PIAS1: variants seen among roughly 807,000 people sequenced by gnomAD.
PIAS1 encodes protein inhibitor of activated STAT 1.
In PIAS1, 6 loss-of-function variants were observed where a neutral mutation model predicts 71.3. That is an observed-to-expected ratio of 0.08 (90% CI 0.05 to 0.17). The LOEUF is 0.17. Ranked by LOEUF, PIAS1 falls within the 10% of genes least tolerant of loss-of-function variation. The probability of loss-of-function intolerance (pLI) is 1.00; values close to 1 mark genes in which losing one functional copy is unlikely to be tolerated. For missense variants in PIAS1, 555 were observed against 793.6 expected (o/e 0.70, Z 3.61); for synonymous variants, 303 against 292.9 (o/e 1.03, Z -0.35).
In PIAS1 at chr15:68,156,293, C is replaced by T. The variant is rs142030112; in HGVS notation, c.934+2598C>T. ...ACTCTGTAGAGGTACAATAGGGGAA[C>T]GTAGTCCTCTCTGATACTGTGATAC... On this transcript the variant is annotated intron_variant, in intron 7 of 13. Coordinates refer to ENST00000249636, the MANE Select transcript of PIAS1 (RefSeq NM_016166.3). Among the ~76,000 whole-genome samples the T allele has an allele frequency of 4.2e-3, 642 of 152,242 alleles. 4 individuals are homozygous for T. The highest frequency in any genetic ancestry group is 6.7e-3 in the Non-Finnish European group (456 of 67,998).
chr15:68,070,239 T>G (rs2092080178), intron 1 of PIAS1, among the ~76,000 whole-genome samples: 2 of 152,178 alleles, frequency 1.3e-5, no homozygotes, highest in Admixed American at 1.3e-4. Flanking sequence ...GTGCCAGGCA[T>G]GGAGGGACAA....
chr15:68,166,758 A>C (rs1396513394), intron 8 of PIAS1, among the ~76,000 whole-genome samples: 2 of 152,218 alleles, frequency 1.3e-5, no homozygotes, highest in Admixed American at 6.5e-5. Context: ...CTGTGTTTCA[A>C]TTCTGTAGTG....
rs59318437 is a variant in PIAS1, at chr15:68,134,622, AC to A, written c.470-7316del. 9.5e-4 allele frequency among the ~76,000 whole-genome samples: 20 copies of A among 21,162 alleles called. 1 individual carries two copies. Among genetic ancestry groups the A allele is most frequent in the Admixed American group, 2.2e-3 (5 of 2,306 alleles). The allele number at this position is 21,162 out of a possible 152,430, so 13.9% of individuals were successfully genotyped here. A position where few individuals can be genotyped will look rare whatever the true frequency, so the allele number is the denominator to read the frequency against. ...GGGCGGCTGGCCGGGCGGGGGGCTA[AC>A]CCCCCCCACCTCCCTCCCGGACGGG... On this transcript the variant is annotated intron_variant, in intron 2 of 13. Transcript: ENST00000249636.
intron 2 of PIAS1, among the ~76,000 whole-genome samples, chr15:68,107,703 G>A (rs2092484093): frequency 6.6e-6 from 1 of 151,818 alleles, no homozygotes; most frequent in African/African-American, 2.4e-5. Flanking sequence ...AATAATGTGT[G>A]ATGAAAGATA....
At chr15:68,083,944 G>C (rs764560710) in intron 1 of PIAS1, among the ~76,000 whole-genome samples, 2 of 152,072 alleles carry the variant, frequency 1.3e-5, no homozygotes, top group Non-Finnish European at 2.9e-5. Flanking sequence ...ACCAAGTATT[G>C]TTATTGCTGC....
rs906697285 is a variant in PIAS1, at chr15:68,185,703, C to T, written c.1663-1839C>T. 6.6e-6 allele frequency among the ~76,000 whole-genome samples: 1 copy of T among 151,862 alleles called. No individual in the cohort carries two copies. Among genetic ancestry groups the T allele is most frequent in the Admixed American group, 6.6e-5 (1 of 15,240 alleles). On this transcript the variant is annotated intron_variant, in intron 13 of 13. Coordinates refer to ENST00000249636, the MANE Select transcript of PIAS1 (RefSeq NM_016166.3). This position sits in a 1 kb window ranked among gnomAD's most constrained non-coding sequence, Gnocchi z 4.4. ...CCCTGGCTGGGCGCTGTGGCTTACA[C>T]CTATAATCCCAGCACTTTGGGAGGC...
At chr15:68,122,132 A>G (rs1229905557) in intron 2 of PIAS1, among the ~76,000 whole-genome samples, 2 of 152,158 alleles carry the variant, frequency 1.3e-5, no homozygotes, top group Non-Finnish European at 2.9e-5. Context: ...CTGTCTCAAA[A>G]CAAACACCAA....
At chr15:68,135,084 C>T (rs1486480036) in intron 2 of PIAS1, among the ~76,000 whole-genome samples, 3 of 47,120 alleles carry the variant, frequency 6.4e-5, no homozygotes, top group Admixed American at 3.4e-4. Flanking sequence ...GGGTGGCTGG[C>T]CGGGCGGGGG....
At chr15:68,094,314 A>C (rs2092356526) in intron 2 of PIAS1, among the ~76,000 whole-genome samples, 1 of 151,844 alleles carries the variant, frequency 6.6e-6, no homozygotes, top group African/African-American at 2.4e-5. Context: ...ATTTCTTTGG[A>C]GATATTTACA....
chr15:68,091,628 C>T (rs2092333223), intron 2 of PIAS1, among the ~76,000 whole-genome samples: 1 of 152,154 alleles, frequency 6.6e-6, no homozygotes, highest in African/African-American at 2.4e-5. Context: ...ACTACAGATA[C>T]TCCTCTGGTT....
intron 2 of PIAS1, among the ~76,000 whole-genome samples, chr15:68,098,493 T>G (rs1373537567): frequency 6.6e-6 from 1 of 152,180 alleles, no homozygotes; most frequent in Non-Finnish European, 1.5e-5. Context: ...ACCCACACAG[T>G]TAAAATCTGT....
intron 1 of PIAS1, among the ~76,000 whole-genome samples, chr15:68,055,494 G>A (rs2091885566): frequency 6.6e-6 from 1 of 152,126 alleles, no homozygotes; most frequent in Non-Finnish European, 1.5e-5. Flanking sequence ...AGCAGTTGGG[G>A]GAGGGGGTGG....
rs2093001507 is a variant in PIAS1, at chr15:68,173,085, C to T, written c.1009-647C>T. ...TTTCATTCATAGATAAGACTGATAGCAAATATCAATGCATCTCTGTATTGT... is the reference window on the plus strand; with the variant it reads ...TTTCATTCATAGATAAGACTGATAGTAAATATCAATGCATCTCTGTATTGT... On this transcript the variant is annotated intron_variant, in intron 8 of 13. Transcript: ENST00000249636. This position sits in a 1 kb window ranked among gnomAD's most constrained non-coding sequence, Gnocchi z 4.3. Among the ~76,000 whole-genome samples the T allele has an allele frequency of 6.6e-6, 1 of 152,192 alleles. No individual in the cohort carries two copies. Among genetic ancestry groups the T allele is most frequent in the South Asian group, 2.1e-4 (1 of 4,832 alleles).
chr15:68,180,854 C>T (rs1351041371), intron 11 of PIAS1, among the ~76,000 whole-genome samples: 1 of 152,144 alleles, frequency 6.6e-6, no homozygotes, highest in Non-Finnish European at 1.5e-5. Context: ...AAAAGGGTTT[C>T]CGACTTTCAT....
chr15:68,189,075 T>C lies in PIAS1; in HGVS notation c.*1240T>C, dbSNP rs766710174. 6.6e-6 allele frequency: 1 copy of C among 152,232 alleles called. No homozygotes were observed. The highest frequency in any genetic ancestry group is 2.4e-5 in the African/African-American group (1 of 41,450). The allele number at this position is 152,232 out of a possible 1,614,324, so 9.4% of individuals were successfully genotyped here. On this transcript the variant is annotated 3_prime_UTR_variant, in exon 14 of 14. Transcript: ENST00000249636. ...CTATTTTCTTAGCGTATCTGCCTTGTTTATCTTTTTCTTCACCTTTTAACA... is the reference window on the plus strand; with the variant it reads ...CTATTTTCTTAGCGTATCTGCCTTGCTTATCTTTTTCTTCACCTTTTAACA...
chr15:68,152,877 T>C (rs930571982), intron 6 of PIAS1, among the ~76,000 whole-genome samples: 3 of 149,846 alleles, frequency 2.0e-5, no homozygotes, highest in Admixed American at 1.3e-4. Context: ...TGATTAACTG[T>C]TTTTTTTTGG....
At chr15:68,119,263 A>AAAAAAAAAAT in intron 2 of PIAS1, among the ~76,000 whole-genome samples, 1 of 147,180 alleles carries the variant, frequency 6.8e-6, no homozygotes, top group Non-Finnish European at 1.5e-5. Context: ...AAAAAAAAAA[A>AAAAAAAAAAT]AGTATATATA....
chr15:68,083,218 G>A lies in PIAS1; in HGVS notation c.25-3088G>A, dbSNP rs78340904. Reference sequence around the variant, plus strand: ...TATATTTCATTTCAACAACTCAGATGTGTTAGTGTTTAGTTTTCCTCAGTG... The same window carrying A: ...TATATTTCATTTCAACAACTCAGATATGTTAGTGTTTAGTTTTCCTCAGTG... On this transcript the variant is annotated intron_variant, in intron 1 of 13. Coordinates refer to ENST00000249636, the MANE Select transcript of PIAS1 (RefSeq NM_016166.3). Among the ~76,000 whole-genome samples the A allele has an allele frequency of 5.5e-3, 830 of 152,280 alleles. 2 individuals are homozygous for A. Among genetic ancestry groups the A allele is most frequent in the East Asian group, 0.015 (77 of 5,194 alleles).
intron 10 of PIAS1, 45 bp from the exon 11 acceptor site, chr15:68,176,429 G>GTC (rs1365859841): frequency 7.6e-7 from 1 of 1,310,772 alleles, no homozygotes; most frequent in African/African-American, 1.5e-5. Flanking sequence ...AAAGAGAGAT[G>GTC]TCATAGCTCT....
Sources: allele counts gnomAD v4.1 joint callset (sites outside exome capture counted in the v4.1 genomes callset), GRCh38; gene constraint gnomAD v4.1.1; non-coding constraint Gnocchi (gnomAD v3.1); transcripts MANE v1.5; gene names NCBI Gene and HGNC (gene_info 2026-07-23, HGNC 2026-07-21).